FAM227B: variants seen among roughly 807,000 people sequenced by gnomAD.
FAM227B encodes protein FAM227B.
A neutral mutation model predicts 73.8 loss-of-function variants in FAM227B; 88 were observed. That is an observed-to-expected ratio of 1.19 (90% CI 1.00 to 1.42). The LOEUF is 1.42. FAM227B is among the 40% of genes most tolerant of loss of function. The pLI is 0.00. For synonymous variants in FAM227B, 210 were observed against 190.5 expected (o/e 1.10, Z -0.84); for missense variants, 632 against 590.9 (o/e 1.07, Z -0.72).
intron 8 of FAM227B, among the ~76,000 whole-genome samples, chr15:49,572,714 A>C (rs1429772799): frequency 6.6e-6 from 1 of 152,030 alleles, no homozygotes; most frequent in African/African-American, 2.4e-5. Context: ...GGTATATAAT[A>C]TTTATGCTTG....
At chr15:49,573,414 G>A (rs758247707) in intron 8 of FAM227B, among the ~76,000 whole-genome samples, 6 of 152,256 alleles carry the variant, frequency 3.9e-5, no homozygotes, top group African/African-American at 7.2e-5. Flanking sequence ...GAGGTGCTAC[G>A]ATTTGAATGT....
intron 1 of FAM227B, 45 bp from the exon 2 acceptor site, chr15:49,615,288 C>A: frequency 1.2e-6 from 1 of 838,022 alleles, no homozygotes; most frequent in Non-Finnish European, 2.1e-6. Flanking sequence ...ATGACTCAGC[C>A]AAACAATCCC....
intron 13 of FAM227B, among the ~76,000 whole-genome samples, chr15:49,340,730 G>T (rs1288725123): frequency 6.6e-6 from 1 of 152,144 alleles, no homozygotes; most frequent in Non-Finnish European, 1.5e-5. Context: ...TGACTACGTT[G>T]ATGTTTTATA....
chr15:49,341,296 A>G (rs1484677896), intron 13 of FAM227B, among the ~76,000 whole-genome samples: 1 of 152,136 alleles, frequency 6.6e-6, no homozygotes, highest in Non-Finnish European at 1.5e-5. Context: ...GAAAAATTAC[A>G]TTGGTAATTG....
chr15:49,424,374 G>T (rs764278568), intron 11 of FAM227B: 3 of 1,613,454 alleles, frequency 1.9e-6, no homozygotes. Context: ...TGTCTAGTGG[G>T]TACTATATCT....
intron 5 of FAM227B, among the ~76,000 whole-genome samples, chr15:49,584,098 G>A (rs1020303554): frequency 6.6e-6 from 1 of 152,098 alleles, no homozygotes; most frequent in Non-Finnish European, 1.5e-5. Flanking sequence ...GATGAACATT[G>A]ATGCAAAAAT....
At chr15:49,348,165 C>T (rs771260159) in intron 13 of FAM227B, among the ~76,000 whole-genome samples, 1 of 152,052 alleles carries the variant, frequency 6.6e-6, no homozygotes, top group Non-Finnish European at 1.5e-5. Flanking sequence ...TACAGAAATT[C>T]CAGCATTTTT....
chr15:49,581,980 C>T (rs1028710123), intron 5 of FAM227B, among the ~76,000 whole-genome samples: 1 of 152,196 alleles, frequency 6.6e-6, no homozygotes, highest in Non-Finnish European at 1.5e-5. Context: ...ATCTTGGGCA[C>T]CCCTTGGTCT....
At chr15:49,435,085 A>C (rs533691545) in intron 11 of FAM227B, among the ~76,000 whole-genome samples, 1 of 151,770 alleles carries the variant, frequency 6.6e-6, no homozygotes, top group East Asian at 1.9e-4. Flanking sequence ...GTATACATTA[A>C]AATTGTTGTG....
chr15:49,408,034 G>T (rs1289760565), intron 11 of FAM227B, among the ~76,000 whole-genome samples: 1 of 152,054 alleles, frequency 6.6e-6, no homozygotes, highest in Non-Finnish European at 1.5e-5. Context: ...TTTTATTGTT[G>T]AGTAGTATTT....
intron 11 of FAM227B, chr15:49,485,756 AT>A (rs1467151972): frequency 6.6e-6 from 1 of 152,488 alleles, no homozygotes; most frequent in Non-Finnish European, 1.5e-5. Flanking sequence ...CATTACAAAT[AT>A]AAGTATTTAC....
intron 11 of FAM227B, among the ~76,000 whole-genome samples, chr15:49,505,517 G>A (rs188500991): frequency 6.6e-6 from 1 of 152,136 alleles, no homozygotes; most frequent in African/African-American, 2.4e-5. Context: ...AAAAAGACAC[G>A]GGGGTGTATA....
intron 7 of FAM227B, 87 bp downstream of exon 7, chr15:49,576,654 T>A: frequency 1.3e-6 from 1 of 790,566 alleles, no homozygotes; most frequent in Non-Finnish European, 2.0e-6. Context: ...GTTGAACACC[T>A]AATTTATCAT....
chr15:49,373,926 C>T (rs2045998271), intron 11 of FAM227B, among the ~76,000 whole-genome samples: 1 of 152,116 alleles, frequency 6.6e-6, no homozygotes, highest in Non-Finnish European at 1.5e-5. Flanking sequence ...CAGAAAGAGA[C>T]TTTTAATCTT....
chr15:49,611,060 C>T (rs551713847), intron 3 of FAM227B, among the ~76,000 whole-genome samples, 155 bp downstream of exon 3: 1 of 152,086 alleles, frequency 6.6e-6, no homozygotes, highest in South Asian at 2.1e-4. Context: ...AACATAGAGC[C>T]TACTCAAAGG....
At chr15:49,380,063 G>A (rs2046421816) in intron 11 of FAM227B, among the ~76,000 whole-genome samples, 2 of 152,276 alleles carry the variant, frequency 1.3e-5, no homozygotes, top group Middle Eastern at 6.8e-3. Context: ...AGTCTAACTG[G>A]TATTCTATTG....
chr15:49,489,901 G>C (rs1289044345), intron 11 of FAM227B, among the ~76,000 whole-genome samples: 1 of 29,418 alleles, frequency 3.4e-5, no homozygotes, highest in African/African-American at 7.1e-5. Flanking sequence ...GAGAGAGAGA[G>C]AGAGAGAGAG....
At chr15:49,366,165 C>A (rs1265483517) in intron 13 of FAM227B, 2 of 917,680 alleles carry the variant, frequency 2.2e-6, no homozygotes, top group South Asian at 1.3e-5. Context: ...ACAAAAATAA[C>A]CACCATAGTA....
In FAM227B at chr15:49,328,670, G is replaced by T; in HGVS notation, c.1425C>A (p.Ser475=). The part of the protein sequence containing the change: ...DFEKFLHKLR[S]EAEIERECVA... ...CACATTCTCTCTCAATTTCAGCTTC[G>T]GAACGCTATGAAAATAATACATGAT... Residue 475 remains serine, a synonymous_variant, in exon 16 of 16, where the codon TCC becomes TCA. Coordinates refer to ENST00000299338, the MANE Select transcript of FAM227B (RefSeq NM_152647.3). 15 of 1,557,230 alleles carry T rather than the reference G, an allele frequency of 9.6e-6. No homozygotes were observed. The highest frequency in any genetic ancestry group is 2.4e-5 in the East Asian group (1 of 41,918).
Sources: allele counts gnomAD v4.1 joint callset (sites outside exome capture counted in the v4.1 genomes callset), GRCh38; gene constraint gnomAD v4.1.1; transcripts MANE v1.5; gene names NCBI Gene and HGNC (gene_info 2026-07-23, HGNC 2026-07-21).